The following TENM4 variants were observed in gnomAD, a reference collection of about 807,000 sequenced individuals.
The protein encoded by TENM4 is teneurin-4.
TENM4 carries 82 observed loss-of-function variants against 243.3 expected under a neutral mutation model. That is an observed-to-expected ratio of 0.34 (90% CI 0.28 to 0.40). TENM4 has a LOEUF of 0.40. Ranked by LOEUF, TENM4 falls within the 10% of genes least tolerant of loss-of-function variation. The pLI is 1.00. For synonymous variants in TENM4, 1,412 were observed against 1,456.3 expected, an observed-to-expected ratio of 0.97 and a Z score of 0.69; for missense variants, 3,138 against 3,673.3, an observed-to-expected ratio of 0.85 and a Z score of 3.77.
rs1856967255 is a variant in TENM4, at chr11:78,944,305, C to T, written c.494-40782G>A. Among the ~76,000 whole-genome samples, 4 of 152,156 alleles carry T rather than the reference C, an allele frequency of 2.6e-5. No homozygotes were observed. The South Asian group carries it at 8.3e-4, about 32-fold the overall frequency. On this transcript the variant is annotated intron_variant, in intron 6 of 33. Coordinates refer to ENST00000278550, the MANE Select transcript of TENM4 (RefSeq NM_001098816.3). ...AGAACCTGATTCTGGTCCACACTTT[C>T]CTACCCATCCCTAGTACGTTTGCCA...
Position 78,941,973 on chromosome 11 carries a change from G to A in TENM4, c.494-38450C>T, listed in dbSNP as rs369157788. 5.3e-5 allele frequency among the ~76,000 whole-genome samples: 8 copies of A among 152,040 alleles called. No homozygotes were observed. The East Asian group carries it at 1.6e-3, about 30-fold the overall frequency. On this transcript the variant is annotated intron_variant, in intron 6 of 33. Coordinates refer to ENST00000278550, the MANE Select transcript of TENM4 (RefSeq NM_001098816.3). ...ACTGAGGACAGCATGTAGTGCTGTG[G>A]TGGACCAGGGCTCACTGCTGGCTTT...
At chr11:79,180,852 C>CAT (rs1863267153) in intron 3 of TENM4, among the ~76,000 whole-genome samples, 1 of 150,772 alleles carries the variant, frequency 6.6e-6, no homozygotes, top group Non-Finnish European at 1.5e-5. Context: ...TCTGAATAGT[C>CAT]ATATATATAC....
At chr11:79,071,258 G>A (rs1279126595) in intron 4 of TENM4, among the ~76,000 whole-genome samples, 1 of 152,174 alleles carries the variant, frequency 6.6e-6, no homozygotes, top group Non-Finnish European at 1.5e-5. Flanking sequence ...AACACAACCT[G>A]CTCAGTTCTG....
intron 4 of TENM4, among the ~76,000 whole-genome samples, chr11:79,074,046 A>G (rs1423455741): frequency 6.6e-6 from 1 of 152,254 alleles, no homozygotes; most frequent in Non-Finnish European, 1.5e-5. Context: ...GCAAAGGCTC[A>G]GTAATCACAA....
At chr11:78,876,899 C>G (rs1859281123) in intron 9 of TENM4, among the ~76,000 whole-genome samples, 1 of 152,208 alleles carries the variant, frequency 6.6e-6, no homozygotes, top group African/African-American at 2.4e-5. Flanking sequence ...TTTAAAATCT[C>G]CTGGTGATTC....
intron 3 of TENM4, among the ~76,000 whole-genome samples, chr11:79,193,500 C>T (rs1393112519): frequency 2.6e-5 from 4 of 152,180 alleles, no homozygotes; most frequent in Non-Finnish European, 5.9e-5. Context: ...GCTTGTGGCC[C>T]GGCCGGTCAT....
intron 1 of TENM4, among the ~76,000 whole-genome samples, chr11:79,335,029 C>T (rs558336732): frequency 6.1e-4 from 93 of 152,346 alleles, no homozygotes; most frequent in Non-Finnish European, 9.6e-4. Context: ...TACAACTCCT[C>T]TGAAAAATAT....
chr11:79,252,191 C>A (rs567834), intron 2 of TENM4, among the ~76,000 whole-genome samples: 95,062 of 152,130 alleles, frequency 0.62, 31,204 homozygotes, highest in African/African-American at 0.83. Flanking sequence ...AAGCAGCACA[C>A]GGTTTAACAG....
intron 2 of TENM4, among the ~76,000 whole-genome samples, chr11:79,250,956 G>A (rs954768928): frequency 4.6e-5 from 7 of 152,164 alleles, no homozygotes; most frequent in Non-Finnish European, 5.9e-5. Flanking sequence ...TCTGTTTCTG[G>A]CAACATAGTA....
chr11:78,858,144 C>T (rs371821417), intron 10 of TENM4, among the ~76,000 whole-genome samples: 1 of 152,140 alleles, frequency 6.6e-6, no homozygotes. Context: ...TGCTGGAGAA[C>T]CCTGCACAGT....
At position 79,041,069 on chromosome 11, in the gene TENM4, CT is replaced by C. The variant is rs35346731; in HGVS notation, c.493+23668del. On this transcript the variant is annotated intron_variant, in intron 6 of 33. Transcript: ENST00000278550. ...TGGACAAATCATTTGCCATTCTCCT[CT>C]TTTTTTTTTTTGAGACAGAGTCTCA... 4.5e-3 allele frequency among the ~76,000 whole-genome samples: 665 copies of C among 146,814 alleles called. 1 individual carries two copies. The highest frequency in any genetic ancestry group is 7.4e-3 in the Non-Finnish European group (495 of 66,746).
At position 78,805,282 on chromosome 11, in the gene TENM4, C is replaced by CCCCCCCACCCCCCCCCCCCCCAAAAA; in HGVS notation, c.2179+9_2179+10insTTTTTGGGGGGGGGGGGGGTGGGGGG. On this transcript the variant is annotated intron_variant, in intron 15 of 33. Transcript: ENST00000278550. ...CCCTCTACCCATGCTTCTTCTCCCC[C>CCCCCCCACCCCCCCCCCCCCCAAAAA]TGCATTTACCGATAGAACAGTCGTG... 1 of 995,568 alleles carries CCCCCCCACCCCCCCCCCCCCCAAAAA rather than the reference C, an allele frequency of 1.0e-6. No individual in the cohort carries two copies. The allele number at this position is 995,568 out of a possible 1,614,324, so 61.7% of individuals were successfully genotyped here. A position where few individuals can be genotyped will look rare whatever the true frequency, so the allele number is the denominator to read the frequency against.
chr11:79,338,190 C>G (rs1439353817), intron 1 of TENM4, among the ~76,000 whole-genome samples: 1 of 152,206 alleles, frequency 6.6e-6, no homozygotes, highest in Admixed American at 6.5e-5. Context: ...ATGATTGAAT[C>G]AATTAAGCAG....
intron 1 of TENM4, among the ~76,000 whole-genome samples, chr11:79,407,427 C>T (rs182682916): frequency 1.6e-3 from 245 of 152,308 alleles, no homozygotes; most frequent in South Asian, 0.014. Flanking sequence ...TTATGATATG[C>T]TTGATATCGT....
Position 78,793,153 on chromosome 11 carries a change from A to G in TENM4, c.2180-6070T>C, listed in dbSNP as rs566714922. On this transcript the variant is annotated intron_variant, in intron 15 of 33. Coordinates refer to ENST00000278550, the MANE Select transcript of TENM4 (RefSeq NM_001098816.3). ...TTACTTTACAATCCTGTTCATTAAA[A>G]TAGCTGGTAGGGGAAGCTGTGCCTT... Among the ~76,000 whole-genome samples the G allele has an allele frequency of 3.9e-5, 6 of 152,334 alleles. No homozygotes were observed. In the South Asian group the frequency reaches 8.3e-4, roughly 21 times the overall value.
rs928118367 is a variant in TENM4, at chr11:79,251,930, G to A, written c.-264-36021C>T. Among the ~76,000 whole-genome samples, 3 of 152,088 alleles carry A rather than the reference G, an allele frequency of 2.0e-5. No individual in the cohort carries two copies. The East Asian group carries it at 5.8e-4, about 29-fold the overall frequency. On this transcript the variant is annotated intron_variant, in intron 2 of 33. Coordinates refer to ENST00000278550, the MANE Select transcript of TENM4 (RefSeq NM_001098816.3). ...TAGACTTGAGGAAATTTCCCATAATGCAGCACAGGGAACTAGATGGAAAAT... is the reference window on the plus strand; with the variant it reads ...TAGACTTGAGGAAATTTCCCATAATACAGCACAGGGAACTAGATGGAAAAT...
chr11:78,888,818 T>C (rs1855600636), intron 9 of TENM4, among the ~76,000 whole-genome samples: 1 of 152,202 alleles, frequency 6.6e-6, no homozygotes, highest in Non-Finnish European at 1.5e-5. Flanking sequence ...TTCCTTAGCA[T>C]GGGTTCGAGG....
At chr11:79,295,036 G>C (rs1238981516) in intron 2 of TENM4, among the ~76,000 whole-genome samples, 1 of 152,280 alleles carries the variant, frequency 6.6e-6, no homozygotes, top group African/African-American at 2.4e-5. Flanking sequence ...ACGCAGACAG[G>C]AGCCCATACC....
intron 12 of TENM4, among the ~76,000 whole-genome samples, chr11:78,830,000 A>C (rs145541196): frequency 9.4e-4 from 143 of 152,336 alleles, no homozygotes; most frequent in Middle Eastern, 3.4e-3. Flanking sequence ...ATTCAGACAC[A>C]GTGAGTCCGT....
Sources: gnomAD v4.1 joint callset for allele counts (sites outside exome capture counted in the v4.1 genomes callset) on GRCh38, gnomAD v4.1.1 for gene constraint, MANE v1.5 for transcripts, NCBI Gene and HGNC (gene_info 2026-07-23, HGNC 2026-07-21) for gene names.